The following TSPAN7 variants were observed in gnomAD, a reference collection of about 807,000 sequenced individuals.
The protein encoded by TSPAN7 is tetraspanin-7.
A neutral mutation model predicts 17.6 loss-of-function variants in TSPAN7; 1 was observed. The ratio of observed to expected loss-of-function variants is 0.06; its 90% CI spans 0.02 to 0.27. TSPAN7 has a LOEUF of 0.27. TSPAN7 is among the 10% of genes least tolerant of loss of function. TSPAN7 has a pLI of 1.00. For missense variants in TSPAN7, 112 were observed against 201.7 expected, an observed-to-expected ratio of 0.56 and a Z score of 2.69; for synonymous variants, 78 against 79.0, an observed-to-expected ratio of 0.99 and a Z score of 0.07.
chrX:38,649,249 A>G (rs113646674), intron 1 of TSPAN7, among the ~76,000 whole-genome samples: 5 of 111,071 alleles, frequency 4.5e-5, no homozygotes, highest in African/African-American at 1.6e-4. Context: ...CTGCTGCAGT[A>G]ATGTTAGCCA....
At chrX:38,563,092 C>T (rs1332459016) in intron 1 of TSPAN7, 1 of 969,074 alleles carries the variant, frequency 1.0e-6, no homozygotes, top group Non-Finnish European at 1.3e-6. Context: ...CTAATGCACC[C>T]GGACATTTCC....
At chrX:38,581,836 C>T (rs147420997) in intron 1 of TSPAN7, among the ~76,000 whole-genome samples, 1,474 of 112,499 alleles carry the variant, frequency 0.013, 30 homozygotes, top group Admixed American at 0.07. Flanking sequence ...AAGCCCCCAA[C>T]CACTTTGAAC....
chrX:38,587,474 A>C (rs766817123), intron 1 of TSPAN7, among the ~76,000 whole-genome samples: 92 of 111,819 alleles, frequency 8.2e-4, no homozygotes, highest in African/African-American at 2.6e-3. Context: ...ACAGTGTTTG[A>C]TATGTTTAAA....
chrX:38,590,492 G>T (rs2069285019), intron 1 of TSPAN7, among the ~76,000 whole-genome samples: 1 of 111,625 alleles, frequency 9.0e-6, no homozygotes, highest in African/African-American at 3.3e-5. Flanking sequence ...ACATAGAATT[G>T]GTACTGGTCT....
intron 2 of TSPAN7, among the ~76,000 whole-genome samples, chrX:38,670,050 A>C (rs1468555521): frequency 8.9e-6 from 1 of 111,992 alleles, no homozygotes; most frequent in African/African-American, 3.2e-5. Flanking sequence ...GAATTTTGTT[A>C]ATATTTAGAA....
chrX:38,666,745 C>A (rs868856307), intron 2 of TSPAN7, among the ~76,000 whole-genome samples: 1 of 110,192 alleles, frequency 9.1e-6, no homozygotes, highest in Non-Finnish European at 1.9e-5. Context: ...ACTACAGGCG[C>A]CCGCCACCAC....
chrX:38,625,140 C>A (rs2069514919), intron 1 of TSPAN7, among the ~76,000 whole-genome samples: 1 of 111,507 alleles, frequency 9.0e-6, no homozygotes, highest in African/African-American at 3.3e-5. Context: ...AGGCATGGAG[C>A]AGATACATTT....
chrX:38,612,508 A>G (rs2069425532), intron 1 of TSPAN7: 1 of 111,524 alleles, frequency 9.0e-6, no homozygotes, highest in Non-Finnish European at 1.9e-5. Flanking sequence ...CATTGCACCA[A>G]TCTGGACTGG....
At chrX:38,647,474 T>A (rs183184023) in intron 1 of TSPAN7, among the ~76,000 whole-genome samples, 2 of 112,087 alleles carry the variant, frequency 1.8e-5, no homozygotes, top group African/African-American at 6.5e-5. Flanking sequence ...TATTACTTTC[T>A]AGAAGGTACC....
At chrX:38,614,413 G>A (rs2069441356) in intron 1 of TSPAN7, among the ~76,000 whole-genome samples, 1 of 112,283 alleles carries the variant, frequency 8.9e-6, no homozygotes, top group African/African-American at 3.2e-5. Flanking sequence ...CTAAAAAGTG[G>A]CAGTACTGGG....
chrX:38,676,601 A>G lies in TSPAN7; in HGVS notation c.597+741A>G, dbSNP rs146885894. On this transcript the variant is annotated intron_variant, in intron 5 of 7. Transcript: ENST00000378482. ...ATATAACATATATTTTGGTAAACAA[A>G]AGGGAGGAAAAAACCTACTATTGTG... is the stretch of plus-strand genomic sequence containing the variant. 9.6e-3 allele frequency among the ~76,000 whole-genome samples: 1,076 copies of G among 111,886 alleles called. 6 individuals are homozygous for G. Among genetic ancestry groups the G allele is most frequent in the Middle Eastern group, 0.05 (11 of 218 alleles).
intron 1 of TSPAN7, among the ~76,000 whole-genome samples, chrX:38,620,453 G>A (rs1373589351): frequency 9.0e-6 from 1 of 111,368 alleles, no homozygotes; most frequent in African/African-American, 3.3e-5. Context: ...GAAATTGCTT[G>A]CCTTTTCTGT....
intron 3 of TSPAN7, 130 bp from the exon 4 acceptor site, chrX:38,674,091 G>T: frequency 1.8e-6 from 1 of 540,682 alleles, no homozygotes. Context: ...AGAAAATGGG[G>T]CATTGCCTCC....
At chrX:38,666,081 C>T (rs762013994) in intron 1 of TSPAN7, 40 bp from the exon 2 acceptor site, 1 of 1,198,748 alleles carries the variant, frequency 8.3e-7, no homozygotes, top group East Asian at 3.0e-5. Flanking sequence ...ATTCTCACCT[C>T]TCTTGGCAAT....
At chrX:38,581,889 T>C (rs184372185) in intron 1 of TSPAN7, among the ~76,000 whole-genome samples, 2 of 112,385 alleles carry the variant, frequency 1.8e-5, no homozygotes, top group East Asian at 5.6e-4. Flanking sequence ...AGATGCAGGG[T>C]TTACTTTTGC....
chrX:38,684,734 ATTCCCC>A (rs2069915997), intron 6 of TSPAN7, among the ~76,000 whole-genome samples: 1 of 111,073 alleles, frequency 9.0e-6, no homozygotes, highest in African/African-American at 3.3e-5. Context: ...GGCTGGATTA[ATTCCCC>A]ATATCACGTA....
chrX:38,609,463 A>G (rs2147416429), intron 1 of TSPAN7, among the ~76,000 whole-genome samples: 1 of 110,976 alleles, frequency 9.0e-6, no homozygotes, highest in South Asian at 3.8e-4. Context: ...TTATCTGTGT[A>G]GTTGAAAAGC....
chrX:38,665,692 A>G (rs1345093215), intron 1 of TSPAN7, among the ~76,000 whole-genome samples: 1 of 112,106 alleles, frequency 8.9e-6, no homozygotes, highest in East Asian at 2.8e-4. Flanking sequence ...TCCTGAAAAC[A>G]TTGTGCAGGA....
At chrX:38,587,246 T>C (rs747127394) in intron 1 of TSPAN7, among the ~76,000 whole-genome samples, 1 of 112,506 alleles carries the variant, frequency 8.9e-6, no homozygotes, top group African/African-American at 3.2e-5. Context: ...AGTTTTTATC[T>C]TTCCTTACAT....
Sources: gnomAD v4.1 joint callset for allele counts (sites outside exome capture counted in the v4.1 genomes callset) on GRCh38, gnomAD v4.1.1 for gene constraint, MANE v1.5 for transcripts, NCBI Gene and HGNC (gene_info 2026-07-23, HGNC 2026-07-21) for gene names.